KHDRBS3: variants seen among roughly 807,000 people sequenced by gnomAD.
KHDRBS3 encodes the protein KH RNA binding domain containing, signal transduction associated 3, also known as KH domain-containing, RNA-binding, signal transduction-associated protein 3.
A neutral mutation model predicts 45.6 loss-of-function variants in KHDRBS3; 23 were observed. The observed-to-expected ratio is 0.50, with a 90% confidence interval of 0.36 to 0.72. KHDRBS3 has a LOEUF of 0.72. Among genes scored for constraint, KHDRBS3 ranks in the 30% least tolerant of loss-of-function variants. The pLI is 0.00. For missense variants in KHDRBS3, 352 were observed against 424.8 expected, an observed-to-expected ratio of 0.83 and a Z score of 1.51; for synonymous variants, 162 against 156.5, an observed-to-expected ratio of 1.04 and a Z score of -0.26.
At chr8:135,490,229 CCTGA>C (rs1362243879) in intron 1 of KHDRBS3, among the ~76,000 whole-genome samples, 1 of 152,190 alleles carries the variant, frequency 6.6e-6, no homozygotes, top group Non-Finnish European at 1.5e-5. Flanking sequence ...TGAAGTGACA[CCTGA>C]CTGTTTATGT....
chr8:135,642,709 T>C (rs2131188977), intron 7 of KHDRBS3, among the ~76,000 whole-genome samples: 1 of 152,270 alleles, frequency 6.6e-6, no homozygotes, highest in Middle Eastern at 3.4e-3. Context: ...CTTGTAAGGA[T>C]ATGATTAAGC....
chr8:135,536,999 G>GAATAAAA (rs1375807666), intron 2 of KHDRBS3, among the ~76,000 whole-genome samples: 1 of 29,416 alleles, frequency 3.4e-5, no homozygotes, highest in East Asian at 8.9e-4. Context: ...AAAAAAAAAG[G>GAATAAAA]AGATGTTTAG....
chr8:135,472,759 A>T (rs1563702366), intron 1 of KHDRBS3, among the ~76,000 whole-genome samples: 1 of 152,144 alleles, frequency 6.6e-6, no homozygotes, highest in Non-Finnish European at 1.5e-5. Flanking sequence ...GTTTTGTATT[A>T]TGTGAGTTTA....
intron 1 of KHDRBS3, among the ~76,000 whole-genome samples, chr8:135,492,166 C>G (rs1823186803): frequency 6.6e-6 from 1 of 151,916 alleles, no homozygotes; most frequent in Non-Finnish European, 1.5e-5. Context: ...ATTCAGGGAT[C>G]CCTATGATCC....
chr8:135,583,462 G>A (rs1828313292), intron 6 of KHDRBS3, among the ~76,000 whole-genome samples: 1 of 152,144 alleles, frequency 6.6e-6, no homozygotes, highest in Admixed American at 6.5e-5. Context: ...CTAAAGGAGA[G>A]TAAATCTTAA....
chr8:135,565,685 C>T (rs914660405), intron 5 of KHDRBS3, among the ~76,000 whole-genome samples: 1 of 152,144 alleles, frequency 6.6e-6, no homozygotes, highest in Admixed American at 6.5e-5. Context: ...CTCTGGCTCT[C>T]TTCCTTCTAC....
At chr8:135,656,043 A>G (rs537453303) in intron 4 of KHDRBS3, among the ~76,000 whole-genome samples, 1 of 152,310 alleles carries the variant, frequency 6.6e-6, no homozygotes, top group African/African-American at 2.4e-5. Flanking sequence ...GTCTTTATTG[A>G]ACACAAATAT....
At chr8:135,553,395 G>A (rs1826712926) in intron 4 of KHDRBS3, among the ~76,000 whole-genome samples, 1 of 151,948 alleles carries the variant, frequency 6.6e-6, no homozygotes, top group Non-Finnish European at 1.5e-5. Flanking sequence ...TGTACCAGAA[G>A]TCGCATGTCC....
Position 135,457,763 on chromosome 8 carries a change from GC to G in KHDRBS3, c.-99del. The stretch of plus-strand genomic sequence containing the variant: ...GGCTTGGCCGCTGCTGCCGCGTCTG[GC>G]CCCCGGGTCCCCGCCGCTGGGGGCG... On this transcript the variant is annotated 5_prime_UTR_variant, in exon 1 of 9. Coordinates refer to ENST00000355849, the MANE Select transcript of KHDRBS3 (RefSeq NM_006558.3). The surrounding 1 kb of genome is among the most constrained non-coding windows in gnomAD (Gnocchi z 4.4). The G allele has an allele frequency of 7.0e-6, 3 of 428,300 alleles. No individual in the cohort carries two copies. Among genetic ancestry groups the G allele is most frequent in the South Asian group, 7.8e-5 (1 of 12,752 alleles). 26.5% of individuals were successfully genotyped at this position (428,300 alleles called of 1,614,324 possible).
intron 5 of KHDRBS3, among the ~76,000 whole-genome samples, chr8:135,564,468 A>G (rs1160344726): frequency 6.6e-6 from 1 of 152,204 alleles, no homozygotes; most frequent in Non-Finnish European, 1.5e-5. Flanking sequence ...ATAAATATGT[A>G]AGTTGTTTGG....
intron 3 of KHDRBS3, among the ~76,000 whole-genome samples, chr8:135,543,261 C>T (rs1370400536): frequency 1.3e-5 from 2 of 152,086 alleles, no homozygotes; most frequent in Non-Finnish European, 2.9e-5. Context: ...ATTGTTCTAA[C>T]ACATAATTGT....
intron 6 of KHDRBS3, among the ~76,000 whole-genome samples, chr8:135,595,969 A>G (rs999809611): frequency 5.3e-5 from 8 of 152,226 alleles, no homozygotes; most frequent in African/African-American, 1.7e-4. Context: ...TGAAAGAAAC[A>G]GTCAACAAAT....
chr8:135,522,457 G>A (rs1164784403), intron 2 of KHDRBS3, among the ~76,000 whole-genome samples: 1 of 152,178 alleles, frequency 6.6e-6, no homozygotes, highest in African/African-American at 2.4e-5. Context: ...AAATTGTTGT[G>A]TATTTAGTAT....
intron 1 of KHDRBS3, among the ~76,000 whole-genome samples, chr8:135,468,393 G>T (rs1365129689): frequency 3.3e-5 from 5 of 152,154 alleles, no homozygotes; most frequent in Non-Finnish European, 7.3e-5. Context: ...ATTGCTTTCA[G>T]GCTCTTTCAT....
chr8:135,622,737 A>C (rs1449611910), intron 7 of KHDRBS3, among the ~76,000 whole-genome samples: 1 of 152,236 alleles, frequency 6.6e-6, no homozygotes, highest in Non-Finnish European at 1.5e-5. Flanking sequence ...TAATATGTTG[A>C]TGGACCATTT....
At chr8:135,553,560 G>T (rs533641875) in intron 4 of KHDRBS3, among the ~76,000 whole-genome samples, 8 of 152,092 alleles carry the variant, frequency 5.3e-5, no homozygotes, top group Non-Finnish European at 1.2e-4. Context: ...GAACATTGAG[G>T]TTACTTCTTA....
chr8:135,637,678 G>T (rs1830876741), intron 7 of KHDRBS3, among the ~76,000 whole-genome samples: 1 of 152,096 alleles, frequency 6.6e-6, no homozygotes, highest in Non-Finnish European at 1.5e-5. Context: ...CATGGACAAA[G>T]TTTTCAGTCC....
chr8:135,593,130 T>A (rs962613842), intron 6 of KHDRBS3, among the ~76,000 whole-genome samples: 1 of 152,194 alleles, frequency 6.6e-6, no homozygotes, highest in South Asian at 2.1e-4. Flanking sequence ...TTTGCCTTTA[T>A]AAATTTATGT....
At chr8:135,491,735 A>C (rs1249331342) in intron 1 of KHDRBS3, among the ~76,000 whole-genome samples, 1 of 152,170 alleles carries the variant, frequency 6.6e-6, no homozygotes, top group Non-Finnish European at 1.5e-5. Context: ...GGGGTCTTCA[A>C]GGTCCAAATG....
Sources: gnomAD v4.1 joint callset for allele counts (sites outside exome capture counted in the v4.1 genomes callset) on GRCh38, gnomAD v4.1.1 for gene constraint, Gnocchi (gnomAD v3.1) non-coding constraint, MANE v1.5 for transcripts, NCBI Gene and HGNC (gene_info 2026-07-23, HGNC 2026-07-21) for gene names.